Variants in CDK19 observed in about 807,000 individuals in gnomAD.
CDK19 encodes the protein cyclin-dependent kinase 19.
CDK19 carries 20 observed loss-of-function variants against 68.3 expected under a neutral mutation model. The ratio of observed to expected loss-of-function variants is 0.29; its 90% confidence interval spans 0.21 to 0.43. The LOEUF (loss-of-function observed/expected upper bound fraction) is 0.43. Among genes scored for constraint, CDK19 ranks in the 20% least tolerant of loss-of-function variants. The pLI is 1.00. For missense variants in CDK19, 339 were observed against 623.5 expected, an observed-to-expected ratio of 0.54 and a Z score of 4.86; for synonymous variants, 221 against 222.8, an observed-to-expected ratio of 0.99 and a Z score of 0.07.
chr6:110,723,146 A>AAC (rs1213542174), intron 2 of CDK19, among the ~76,000 whole-genome samples: 2 of 102,340 alleles, frequency 2.0e-5, no homozygotes, highest in African/African-American at 2.8e-5. Flanking sequence ...AAAAAAAACA[A>AAC]AAAACAAAAA....
intron 2 of CDK19, among the ~76,000 whole-genome samples, chr6:110,713,794 C>T (rs1775155652): frequency 1.3e-5 from 2 of 152,042 alleles, no homozygotes; most frequent in African/African-American, 2.4e-5. Flanking sequence ...GGCAGGAGGA[C>T]TGCTTGAGGG....
chr6:110,713,236 T>C (rs1340390568), intron 2 of CDK19, among the ~76,000 whole-genome samples: 2 of 146,132 alleles, frequency 1.4e-5, no homozygotes, highest in African/African-American at 5.0e-5. Context: ...CACAATAAAA[T>C]ACCCTGCATG....
intron 2 of CDK19, among the ~76,000 whole-genome samples, chr6:110,716,789 A>AAT (rs1303399112): frequency 1.3e-5 from 2 of 152,118 alleles, no homozygotes; most frequent in African/African-American, 2.4e-5. Context: ...TATATCAATA[A>AAT]ATATATATAT....
chr6:110,769,384 G>C (rs1779831468), intron 1 of CDK19, among the ~76,000 whole-genome samples: 2 of 151,402 alleles, frequency 1.3e-5, no homozygotes, highest in South Asian at 4.2e-4. Context: ...GGCCACCATG[G>C]TGAAACCCTG....
chr6:110,686,710 T>G (rs1183672225), intron 2 of CDK19, among the ~76,000 whole-genome samples: 1 of 152,172 alleles, frequency 6.6e-6, no homozygotes, highest in Admixed American at 6.5e-5. Flanking sequence ...TACAAAAATA[T>G]TCAAAAAAAT....
chr6:110,673,408 T>G (rs974102463), intron 2 of CDK19, among the ~76,000 whole-genome samples: 4 of 152,214 alleles, frequency 2.6e-5, no homozygotes, highest in African/African-American at 9.7e-5. Context: ...CTCTATATAT[T>G]GGTGTATAAA....
intron 2 of CDK19, among the ~76,000 whole-genome samples, chr6:110,714,732 T>TC (rs1775239839): frequency 6.7e-6 from 1 of 150,268 alleles, no homozygotes; most frequent in South Asian, 2.1e-4. Context: ...CTTTTTTTTT[T>TC]TTTTTTTTTT....
At chr6:110,697,838 T>C (rs1161468951) in intron 2 of CDK19, among the ~76,000 whole-genome samples, 4 of 151,948 alleles carry the variant, frequency 2.6e-5, no homozygotes, top group African/African-American at 7.3e-5. Flanking sequence ...CAGAACAGAA[T>C]AGAGAACCCA....
intron 1 of CDK19, among the ~76,000 whole-genome samples, chr6:110,798,193 AGG>A (rs1782082189): frequency 6.6e-6 from 1 of 152,092 alleles, no homozygotes; most frequent in Admixed American, 6.6e-5. Context: ...GTGTAACAGA[AGG>A]GTAGATTAGA....
At chr6:110,771,722 A>T (rs1190721191) in intron 1 of CDK19, among the ~76,000 whole-genome samples, 1 of 152,100 alleles carries the variant, frequency 6.6e-6, no homozygotes, top group Non-Finnish European at 1.5e-5. Flanking sequence ...CCCTTGTAAA[A>T]CTGAATGCCT....
intron 2 of CDK19, among the ~76,000 whole-genome samples, chr6:110,705,509 G>C (rs566329686): frequency 6.6e-6 from 1 of 152,156 alleles, no homozygotes; most frequent in African/African-American, 2.4e-5. Flanking sequence ...CATTGTAAGG[G>C]AGCAAATGGG....
intron 2 of CDK19, among the ~76,000 whole-genome samples, chr6:110,680,858 G>T (rs1222087832): frequency 2.6e-5 from 4 of 152,012 alleles, no homozygotes; most frequent in African/African-American, 9.7e-5. Flanking sequence ...TTAGCCACGT[G>T]TGGTGGTATA....
At position 110,703,741 on chromosome 6, in the gene CDK19, G is replaced by A. The variant is rs143938827; in HGVS notation, c.205-33200C>T. Among the ~76,000 whole-genome samples the A allele has an allele frequency of 1.1e-4, 17 of 152,254 alleles. No homozygotes were observed. The East Asian group carries it at 2.9e-3, about 26-fold the overall frequency. On this transcript the variant is annotated intron_variant, in intron 2 of 12. Coordinates refer to ENST00000368911, the MANE Select transcript of CDK19 (RefSeq NM_015076.5). ...TGTAGTCCCAGCAACTCGGGAGGCT[G>A]AAGTGGGAGGATTGCTTGAACCCAG...
At chr6:110,687,364 T>G (rs988428850) in intron 2 of CDK19, among the ~76,000 whole-genome samples, 3 of 152,200 alleles carry the variant, frequency 2.0e-5, no homozygotes, top group African/African-American at 7.2e-5. Flanking sequence ...TTCAATGTAT[T>G]TTAGATCACT....
intron 4 of CDK19, chr6:110,645,830 C>T (rs1483629060): frequency 8.2e-6 from 5 of 607,914 alleles, no homozygotes; most frequent in African/African-American, 5.5e-5. Flanking sequence ...CCGCGCACGA[C>T]GCGCCGCGCT....
chr6:110,800,283 A>G (rs1203016326), intron 1 of CDK19, among the ~76,000 whole-genome samples: 2 of 152,200 alleles, frequency 1.3e-5, no homozygotes, highest in Non-Finnish European at 2.9e-5. Flanking sequence ...ACAGACCAAT[A>G]TCAAGTTATG....
chr6:110,623,875 A>G (rs1166433325), intron 8 of CDK19, among the ~76,000 whole-genome samples: 2 of 108,130 alleles, frequency 1.8e-5, no homozygotes, highest in Admixed American at 1.1e-4. Flanking sequence ...TATAGTATAT[A>G]TACGTATATA....
At chr6:110,804,720 C>T (rs1219986454) in intron 1 of CDK19, among the ~76,000 whole-genome samples, 2 of 149,766 alleles carry the variant, frequency 1.3e-5, no homozygotes, top group South Asian at 2.1e-4. Context: ...CTTTGGGAGG[C>T]CGAGGCGGGC....
chr6:110,804,179 T>C (rs956022172), intron 1 of CDK19, among the ~76,000 whole-genome samples: 1 of 151,994 alleles, frequency 6.6e-6, no homozygotes, highest in Non-Finnish European at 1.5e-5. Flanking sequence ...GGTAAATAAA[T>C]CCATTCCCTA....
Sources: allele counts gnomAD v4.1 joint callset (sites outside exome capture counted in the v4.1 genomes callset), GRCh38; gene constraint gnomAD v4.1.1; transcripts MANE v1.5; gene names NCBI Gene and HGNC (gene_info 2026-07-23, HGNC 2026-07-21).